The following CSMD1 variants were observed in gnomAD, a reference collection of about 807,000 sequenced individuals.
The protein encoded by CSMD1 is CUB and Sushi multiple domains 1.
In CSMD1, 213 loss-of-function variants were observed where a neutral mutation model predicts 417.5. The observed-to-expected ratio is 0.51, with a 90% CI of 0.46 to 0.57. The LOEUF (loss-of-function observed/expected upper bound fraction) is 0.57, where lower values mean the gene tolerates loss of function less well. Ranked by LOEUF, CSMD1 falls within the 20% of genes least tolerant of loss-of-function variation. The pLI is 0.00. For synonymous variants in CSMD1, 2,862 were observed against 1,736.8 expected (o/e 1.65, Z -16.11); for missense variants, 6,923 against 4,529.7 (o/e 1.53, Z -15.17).
At chr8:4,088,979 T>C (rs1462710810) in intron 3 of CSMD1, among the ~76,000 whole-genome samples, 2 of 151,918 alleles carry the variant, frequency 1.3e-5, no homozygotes, top group African/African-American at 4.9e-5. Flanking sequence ...CCCTGTTCTG[T>C]GCTCCCTTGG....
At chr8:4,841,930 A>AAAAAAACAAAAC (rs1800865014) in intron 1 of CSMD1, among the ~76,000 whole-genome samples, 1 of 122,426 alleles carries the variant, frequency 8.2e-6, no homozygotes, top group Non-Finnish European at 1.7e-5. Flanking sequence ...AAAAAAAAAA[A>AAAAAAACAAAAC]AAAAAAAAGT....
intron 25 of CSMD1, among the ~76,000 whole-genome samples, chr8:3,289,687 T>G (rs1803408470): frequency 6.8e-6 from 1 of 147,302 alleles, no homozygotes; most frequent in South Asian, 2.1e-4. Flanking sequence ...GTTTTTTTCT[T>G]GAAAATTTGT....
At chr8:3,306,790 G>A (rs1273086725) in intron 25 of CSMD1, among the ~76,000 whole-genome samples, 1 of 151,710 alleles carries the variant, frequency 6.6e-6, no homozygotes, top group Admixed American at 6.6e-5. Context: ...ATGTGCTATG[G>A]TTTTGGAGAC....
At chr8:4,499,957 G>C (rs1445526844) in intron 2 of CSMD1, among the ~76,000 whole-genome samples, 1 of 152,022 alleles carries the variant, frequency 6.6e-6, no homozygotes, top group Non-Finnish European at 1.5e-5. Flanking sequence ...TGCATGGAAA[G>C]AAAAAAAGCA....
intron 5 of CSMD1, among the ~76,000 whole-genome samples, chr8:3,824,207 G>C (rs965680105): frequency 3.3e-5 from 5 of 151,610 alleles, no homozygotes; most frequent in Non-Finnish European, 7.4e-5. Flanking sequence ...TATCCTGACA[G>C]AGTTGTTGAT....
chr8:3,436,562 C>G (rs1814579544), intron 12 of CSMD1, among the ~76,000 whole-genome samples: 2 of 152,032 alleles, frequency 1.3e-5, no homozygotes, highest in South Asian at 4.2e-4. Flanking sequence ...ATTTTCTTTT[C>G]TACCTTCTAT....
At chr8:3,927,008 C>G (rs564987251) in intron 5 of CSMD1, among the ~76,000 whole-genome samples, 1 of 151,792 alleles carries the variant, frequency 6.6e-6, no homozygotes, top group Non-Finnish European at 1.5e-5. Flanking sequence ...GCCACCGTGC[C>G]CGGCCAAATT....
intron 3 of CSMD1, among the ~76,000 whole-genome samples, chr8:4,257,804 G>C (rs1003486623): frequency 6.6e-6 from 1 of 152,192 alleles, no homozygotes; most frequent in East Asian, 1.9e-4. Flanking sequence ...AGCATTTAAT[G>C]TGCATGAGGT....
chr8:2,967,981 C>T (rs1804120032), intron 57 of CSMD1, among the ~76,000 whole-genome samples: 1 of 152,148 alleles, frequency 6.6e-6, no homozygotes, highest in Non-Finnish European at 1.5e-5. Flanking sequence ...TCAATCACAG[C>T]CCTCTTCTCT....
At position 4,183,015 on chromosome 8, in the gene CSMD1, G is replaced by A. The variant is rs956142542; in HGVS notation, c.416-150916C>T. 9.2e-5 allele frequency among the ~76,000 whole-genome samples: 14 copies of A among 152,158 alleles called. 1 individual carries two copies. In the South Asian group the frequency reaches 1.9e-3, roughly 20 times the overall value. On this transcript the variant is annotated intron_variant, in intron 3 of 69. Transcript: ENST00000635120. ...TCTTTCAAGTAAAGAGTAATTACAT[G>A]GGATGAGTAGAAAGTACACGTGATT...
chr8:4,457,975 G>A (rs980967004), intron 2 of CSMD1, among the ~76,000 whole-genome samples: 3 of 152,132 alleles, frequency 2.0e-5, no homozygotes, highest in African/African-American at 7.2e-5. Flanking sequence ...TACTTCTTTG[G>A]TTGGTGGCAC....
chr8:4,364,412 A>C (rs1269821147), intron 3 of CSMD1, among the ~76,000 whole-genome samples: 2 of 152,170 alleles, frequency 1.3e-5, no homozygotes, highest in African/African-American at 2.4e-5. Context: ...TTATTGCCCT[A>C]GTCCATACAA....
chr8:4,138,594 C>CA (rs1803582986), intron 3 of CSMD1, among the ~76,000 whole-genome samples: 1 of 150,576 alleles, frequency 6.6e-6, no homozygotes, highest in African/African-American at 2.4e-5. Flanking sequence ...CTTAGAAATT[C>CA]AAGAAAGCAA....
chr8:3,540,067 G>A (rs532673260), intron 10 of CSMD1, among the ~76,000 whole-genome samples: 1 of 152,088 alleles, frequency 6.6e-6, no homozygotes, highest in Admixed American at 6.5e-5. Context: ...ATCTCTGATT[G>A]GCTCATAAAT....
chr8:3,942,060 C>T (rs1464617), intron 5 of CSMD1, among the ~76,000 whole-genome samples: 77,828 of 151,520 alleles, frequency 0.51, 20,215 homozygotes, highest in African/African-American at 0.59. Context: ...GTGAATTGGG[C>T]ATGCAAGGGA....
intron 10 of CSMD1, among the ~76,000 whole-genome samples, chr8:3,508,105 T>C (rs572981378): frequency 6.0e-4 from 92 of 152,342 alleles, no homozygotes; most frequent in African/African-American, 2.2e-3. Flanking sequence ...TGAATGGTAT[T>C]GCCTAGGTTT....
intron 41 of CSMD1, among the ~76,000 whole-genome samples, chr8:3,122,983 C>A (rs568099223): frequency 6.6e-6 from 1 of 151,992 alleles, no homozygotes; most frequent in African/African-American, 2.4e-5. Flanking sequence ...TCCAGGTGTT[C>A]GAAGGAAGAA....
chr8:3,319,710 A>G (rs1168751701), intron 23 of CSMD1, among the ~76,000 whole-genome samples: 1 of 152,128 alleles, frequency 6.6e-6, no homozygotes, highest in Non-Finnish European at 1.5e-5. Context: ...AAGAAAAACT[A>G]AATTGATAAA....
chr8:3,989,417 C>A (rs1309056655), intron 5 of CSMD1, among the ~76,000 whole-genome samples: 2 of 152,172 alleles, frequency 1.3e-5, no homozygotes, highest in Non-Finnish European at 2.9e-5. Context: ...CCAACACTCT[C>A]CAAGCTAGGT....
Sources: gnomAD v4.1 joint callset for allele counts (sites outside exome capture counted in the v4.1 genomes callset) on GRCh38, gnomAD v4.1.1 for gene constraint, MANE v1.5 for transcripts, NCBI Gene and HGNC (gene_info 2026-07-23, HGNC 2026-07-21) for gene names.